PKD2: variants seen among roughly 807,000 people sequenced by gnomAD.
The protein encoded by PKD2 is polycystin 2, transient receptor potential cation channel.
PKD2 carries 48 observed loss-of-function variants against 105.9 expected under a neutral mutation model. The observed-to-expected ratio is 0.45, with a 90% CI of 0.36 to 0.58. The LOEUF (loss-of-function observed/expected upper bound fraction) is 0.58, where lower values mean the gene tolerates loss of function less well. Among genes scored for constraint, PKD2 ranks in the 20% least tolerant of loss-of-function variants. The pLI is 0.00. For missense variants in PKD2, 1,078 were observed against 1,255.3 expected, an observed-to-expected ratio of 0.86 and a Z score of 2.13; for synonymous variants, 464 against 481.1, an observed-to-expected ratio of 0.96 and a Z score of 0.46.
intron 2 of PKD2, among the ~76,000 whole-genome samples, chr4:88,023,856 A>G (rs1726854684): frequency 6.6e-6 from 1 of 152,248 alleles, no homozygotes; most frequent in Non-Finnish European, 1.5e-5. Flanking sequence ...GCCTAGACTC[A>G]GATTCATTTG....
chr4:88,027,960 C>T (rs1047530570), intron 2 of PKD2, among the ~76,000 whole-genome samples: 1 of 152,202 alleles, frequency 6.6e-6, no homozygotes, highest in Admixed American at 6.5e-5. Context: ...AATTAAACCT[C>T]TTCCTGCCTA....
At chr4:88,052,766 G>C (rs1380729735) in intron 7 of PKD2, among the ~76,000 whole-genome samples, 1 of 152,104 alleles carries the variant, frequency 6.6e-6, no homozygotes, top group African/African-American at 2.4e-5. Flanking sequence ...AACAGGTGAA[G>C]GAAAAGGAAC....
At chr4:88,042,927 TGAGCAGAGGCTCTAGAGCA>T (rs796877539) in intron 4 of PKD2, among the ~76,000 whole-genome samples, 8 of 152,184 alleles carry the variant, frequency 5.3e-5, no homozygotes, top group African/African-American at 1.2e-4. Context: ...CCGTATAAAC[TGAGCAGAGGCTCTAGAGCA>T]GAGCAGAGGC....
chr4:88,046,409 A>T (rs111917717), intron 5 of PKD2, among the ~76,000 whole-genome samples: 273 of 152,124 alleles, frequency 1.8e-3, no homozygotes, highest in African/African-American at 4.4e-3. Flanking sequence ...CTGAGCAGGA[A>T]GTACTCCTTT....
rs79352425 is a variant in PKD2, at chr4:88,051,874, G to C, written c.1549-117G>C. On this transcript the variant is annotated intron_variant, in intron 6 of 14. Transcript: ENST00000237596. ...GACTTTTAAGAATGACATCGGGTAA[G>C]TATAATGGTGAGCCCTTATAATTAA... The C allele has an allele frequency of 2.9e-3, 1,873 of 644,906 alleles. 33 individuals carry two copies. In the African/African-American group the frequency reaches 0.032, roughly 11 times the overall value. 39.9% of individuals were successfully genotyped at this position (644,906 alleles called of 1,614,324 possible).
intron 12 of PKD2, among the ~76,000 whole-genome samples, chr4:88,066,229 G>C (rs1444095911): frequency 1.3e-5 from 2 of 152,290 alleles, no homozygotes; most frequent in African/African-American, 4.8e-5. Context: ...CTGGTAATCA[G>C]CTTGAAAAGA....
At chr4:88,021,474 G>A (rs950570482) in intron 2 of PKD2, among the ~76,000 whole-genome samples, 6 of 151,816 alleles carry the variant, frequency 4.0e-5, no homozygotes, top group Non-Finnish European at 4.4e-5. Flanking sequence ...TATTTCTTAT[G>A]TGAGTAGCTA....
intron 5 of PKD2, 42 bp downstream of exon 5, chr4:88,043,499 T>C: frequency 7.3e-7 from 1 of 1,364,094 alleles, no homozygotes; most frequent in Non-Finnish European, 1.0e-6. Context: ...TCTGTGTGGT[T>C]GTACATACAT....
rs775995883 is a variant in PKD2, at chr4:88,036,320, T to C, written c.810T>C (p.Phe270=). ...TGTCCAAAACGGAGAAAACTAACTT[T>C]AAAACTCTGTCTTCCATGGAAGACT... is the stretch of plus-strand genomic sequence containing the variant. ...TPVSKTEKTN[F]KTLSSMEDFW... The change falls in exon 3 of 15, where the codon TTT becomes TTC. Residue 270 remains phenylalanine, a synonymous_variant. Transcript: ENST00000237596. 1.9e-6 allele frequency: 3 copies of C among 1,614,026 alleles called. No individual in the cohort carries two copies. The highest frequency in any genetic ancestry group is 4.5e-5 in the East Asian group (2 of 44,878).
intron 1 of PKD2, among the ~76,000 whole-genome samples, chr4:88,017,848 C>A (rs4484262): frequency 0.096 from 14,572 of 152,144 alleles, 1,025 homozygotes; most frequent in East Asian, 0.4. Context: ...AATCATTGAC[C>A]AAATGAGACA....
chr4:88,038,207 G>A lies in PKD2; in HGVS notation c.844-44G>A, dbSNP rs752930288. ...ACGATGCAGGCAGGGGCAAGACAGC[G>A]GCTGAGCTTGGAACTTTTTCAGAGA... On this transcript the variant is annotated intron_variant, in intron 3 of 14. Coordinates refer to ENST00000237596, the MANE Select transcript of PKD2 (RefSeq NM_000297.4). 47 of 1,610,592 alleles carry A rather than the reference G, an allele frequency of 2.9e-5. No homozygotes were observed. The Admixed American group carries it at 4.2e-4, about 14-fold the overall frequency.
In PKD2 at chr4:88,075,486, T is replaced by G. The variant is rs1256825691; in HGVS notation, c.2699T>G (p.Ile900Ser). Residue 900 changes from isoleucine (I) to serine (S), a missense_variant, in exon 15 of 15, where the codon ATC becomes AGC. Coordinates refer to ENST00000237596, the MANE Select transcript of PKD2 (RefSeq NM_000297.4). ...GAAAGGCTGGGTCGTGACAGTGAAA[T>G]CCATAGGGAACAGATGGAACGGCTA... ...EDERLGRDSE[I>S]HREQMERLVR... 6.2e-7 allele frequency: 1 copy of G among 1,614,104 alleles called. No homozygotes were observed. Among genetic ancestry groups the G allele is most frequent in the Admixed American group, 1.7e-5 (1 of 60,016 alleles).
In PKD2 at chr4:88,076,112, T is replaced by C. The variant is rs1721225750; in HGVS notation, c.*418T>C. 1 of 216,098 alleles carries C rather than the reference T, an allele frequency of 4.6e-6. No individual in the cohort carries two copies. Among genetic ancestry groups the C allele is most frequent in the South Asian group, 6.9e-5 (1 of 14,460 alleles). 13.4% of individuals were successfully genotyped at this position (216,098 alleles called of 1,614,324 possible). On this transcript the variant is annotated 3_prime_UTR_variant, in exon 15 of 15. Transcript: ENST00000237596. The stretch of plus-strand genomic sequence containing the variant: ...TGTGAAGGAAAATGGGGCATTCCTT[T>C]CCACTCTGGCATAGTTCATGAGCTT...
intron 1 of PKD2, among the ~76,000 whole-genome samples, chr4:88,017,120 T>C (rs1316898732): frequency 6.6e-6 from 1 of 151,986 alleles, no homozygotes; most frequent in Admixed American, 6.6e-5. Flanking sequence ...GGCCGAGAAT[T>C]CGAGACCAGC....
intron 5 of PKD2, among the ~76,000 whole-genome samples, chr4:88,043,949 C>T (rs1390525266): frequency 2.6e-5 from 4 of 152,158 alleles, no homozygotes; most frequent in Non-Finnish European, 5.9e-5. Flanking sequence ...ACCAAAGGCA[C>T]GTAAAGTTCC....
intron 2 of PKD2, among the ~76,000 whole-genome samples, chr4:88,027,905 T>C (rs1727013418): frequency 6.6e-6 from 1 of 152,212 alleles, no homozygotes; most frequent in Admixed American, 6.5e-5. Flanking sequence ...TCTGCCATGA[T>C]TGTAAGTTTC....
intron 2 of PKD2, among the ~76,000 whole-genome samples, chr4:88,023,739 A>G (rs984886587): frequency 1.3e-5 from 2 of 152,212 alleles, no homozygotes; most frequent in Non-Finnish European, 2.9e-5. Flanking sequence ...AGATCCTAGG[A>G]TGCTGTCTGT....
intron 13 of PKD2, among the ~76,000 whole-genome samples, chr4:88,072,030 C>G (rs1195147702): frequency 6.9e-6 from 1 of 145,576 alleles, no homozygotes; most frequent in Non-Finnish European, 1.5e-5. Context: ...TTGCCCAGGC[C>G]GGAATGTAGT....
intron 8 of PKD2, 92 bp downstream of exon 8, chr4:88,056,359 C>G: frequency 1.3e-6 from 1 of 759,276 alleles, no homozygotes; most frequent in South Asian, 1.6e-5. Context: ...TATATGACCA[C>G]CAATTATTTA....
Sources: gnomAD v4.1 joint callset for allele counts (sites outside exome capture counted in the v4.1 genomes callset) on GRCh38, gnomAD v4.1.1 for gene constraint, MANE v1.5 for transcripts, NCBI Gene and HGNC (gene_info 2026-07-23, HGNC 2026-07-21) for gene names.